The following SCD5 variants were observed in gnomAD, a reference collection of about 807,000 sequenced individuals.
SCD5 encodes the protein acyl-CoA-desaturase 4.
SCD5 carries 20 observed loss-of-function variants against 30.4 expected under a neutral mutation model. That is an observed-to-expected ratio of 0.66 (90% confidence interval 0.46 to 0.96). The LOEUF (loss-of-function observed/expected upper bound fraction) is 0.96, where lower values mean the gene tolerates loss of function less well. Among genes scored for constraint, SCD5 ranks in the 40% least tolerant of loss-of-function variants. SCD5 has a pLI of 0.00. For missense variants in SCD5, 381 were observed against 443.3 expected, an observed-to-expected ratio of 0.86 and a Z score of 1.26; for synonymous variants, 173 against 176.4, an observed-to-expected ratio of 0.98 and a Z score of 0.16.
In SCD5 at chr4:82,789,346, C is replaced by T. The variant is rs77840880; in HGVS notation, c.232+8960G>A. 1.3e-3 allele frequency among the ~76,000 whole-genome samples: 191 copies of T among 152,202 alleles called. 1 individual carries two copies. Among genetic ancestry groups the T allele is most frequent in the Non-Finnish European group, 2.2e-3 (151 of 68,002 alleles). ...AGGAGGGGAAGCAAAGGGGAGGAGG[C>T]CATCAAAAGGAAAAACTGCAAAATC... On this transcript the variant is annotated intron_variant, in intron 1 of 4. Coordinates refer to ENST00000319540, the MANE Select transcript of SCD5 (RefSeq NM_001037582.3).
At chr4:82,710,899 AG>A (rs1326551655) in intron 1 of SCD5, among the ~76,000 whole-genome samples, 6 of 150,320 alleles carry the variant, frequency 4.0e-5, no homozygotes, top group Admixed American at 1.3e-4. Flanking sequence ...CGAGACAGAG[AG>A]AGAGAGAGAG....
intron 1 of SCD5, among the ~76,000 whole-genome samples, chr4:82,714,359 A>G (rs1279791996): frequency 2.6e-5 from 4 of 152,026 alleles, no homozygotes; most frequent in Non-Finnish European, 5.9e-5. Flanking sequence ...CCCAATCAAA[A>G]CTGCTCTTAT....
At chr4:82,668,984 T>C (rs1301881928) in intron 3 of SCD5, among the ~76,000 whole-genome samples, 13 of 152,304 alleles carry the variant, frequency 8.5e-5, no homozygotes, top group Admixed American at 1.3e-4. Flanking sequence ...TAGGGAGGAA[T>C]TGTTCTATTA....
chr4:82,756,887 A>G (rs1721246194), intron 1 of SCD5, among the ~76,000 whole-genome samples: 1 of 152,076 alleles, frequency 6.6e-6, no homozygotes, highest in Non-Finnish European at 1.5e-5. Flanking sequence ...TGTTGTTGAG[A>G]GAGGATCTCC....
chr4:82,733,952 C>T (rs546418263), intron 1 of SCD5, among the ~76,000 whole-genome samples: 141 of 152,312 alleles, frequency 9.3e-4, no homozygotes, highest in Middle Eastern at 3.4e-3. Context: ...ATTTAGTGCC[C>T]TGCTTACACA....
chr4:82,718,914 A>G (rs1300326661), intron 1 of SCD5, among the ~76,000 whole-genome samples: 1 of 151,388 alleles, frequency 6.6e-6, no homozygotes, highest in African/African-American at 2.4e-5. Flanking sequence ...GAGTTGACTT[A>G]TCAAAATACA....
At chr4:82,749,727 C>T (rs2148841865) in intron 1 of SCD5, among the ~76,000 whole-genome samples, 1 of 152,274 alleles carries the variant, frequency 6.6e-6, no homozygotes, top group East Asian at 1.9e-4. Context: ...TCTAAATCAT[C>T]CAACTATTTC....
intron 3 of SCD5, among the ~76,000 whole-genome samples, chr4:82,646,029 G>C (rs570006443): frequency 6.6e-6 from 1 of 152,116 alleles, no homozygotes; most frequent in African/African-American, 2.4e-5. Context: ...AGAGCATGAA[G>C]GGGGGGAAAT....
intron 4 of SCD5, among the ~76,000 whole-genome samples, chr4:82,633,956 T>C (rs1275898064): frequency 6.6e-6 from 1 of 152,214 alleles, no homozygotes; most frequent in African/African-American, 2.4e-5. Context: ...GTTTTCTATC[T>C]GTGTAGATTT....
intron 3 of SCD5, among the ~76,000 whole-genome samples, chr4:82,645,378 C>A (rs773005445): frequency 6.6e-6 from 1 of 151,268 alleles, no homozygotes. Context: ...AACCCAAGAA[C>A]GACCCAAGAA....
Position 82,680,928 on chromosome 4 carries a change from G to C in SCD5, c.364-16C>G. 6.2e-7 allele frequency: 1 copy of C among 1,605,734 alleles called. No homozygotes were observed. The highest frequency in any genetic ancestry group is 2.2e-5 in the East Asian group (1 of 44,826). On this transcript the variant is annotated splice_polypyrimidine_tract_variant and intron_variant, in intron 2 of 4. Coordinates refer to ENST00000319540, the MANE Select transcript of SCD5 (RefSeq NM_001037582.3). ...AGATGTCATTCTGCAGAGAGAATGA[G>C]AGCCTGAGTGAAGAGAGGAACCGCA...
At chr4:82,773,932 T>C (rs1409641906) in intron 1 of SCD5, among the ~76,000 whole-genome samples, 1 of 151,762 alleles carries the variant, frequency 6.6e-6, no homozygotes, top group African/African-American at 2.4e-5. Context: ...TTACTAAAAA[T>C]ACAAAAATTA....
intron 1 of SCD5, among the ~76,000 whole-genome samples, chr4:82,718,991 G>T (rs758640956): frequency 4.0e-5 from 6 of 151,658 alleles, no homozygotes; most frequent in Non-Finnish European, 4.4e-5. Flanking sequence ...TCCAGGGTGC[G>T]GAGTATCAGA....
At chr4:82,682,808 C>G (rs1026594740) in intron 2 of SCD5, among the ~76,000 whole-genome samples, 1 of 152,040 alleles carries the variant, frequency 6.6e-6, no homozygotes, top group African/African-American at 2.4e-5. Flanking sequence ...GCCACCATGC[C>G]CAGCTAATTT....
intron 1 of SCD5, among the ~76,000 whole-genome samples, chr4:82,784,692 G>GT (rs971501719): frequency 8.4e-4 from 127 of 151,430 alleles, no homozygotes; most frequent in African/African-American, 1.8e-3. Flanking sequence ...ATAACAGACT[G>GT]TTTTTTTTTA....
intron 2 of SCD5, among the ~76,000 whole-genome samples, chr4:82,702,771 TAA>T (rs977271257): frequency 3.3e-5 from 5 of 152,128 alleles, no homozygotes; most frequent in Non-Finnish European, 5.9e-5. Context: ...ATGACTGCAT[TAA>T]GTCAGGGTTG....
At chr4:82,764,365 T>A (rs1171249098) in intron 1 of SCD5, among the ~76,000 whole-genome samples, 1 of 152,232 alleles carries the variant, frequency 6.6e-6, no homozygotes, top group Admixed American at 6.5e-5. Flanking sequence ...ATCTATCATT[T>A]TGCTACATAT....
rs78324046 is a variant in SCD5, at chr4:82,663,378, C to T, written c.569+17329G>A. 8.3e-3 allele frequency among the ~76,000 whole-genome samples: 1,264 copies of T among 152,254 alleles called. 4 individuals are homozygous for T. Among genetic ancestry groups the T allele is most frequent in the Non-Finnish European group, 0.012 (790 of 68,016 alleles). On this transcript the variant is annotated intron_variant, in intron 3 of 4. Transcript: ENST00000319540. Reference sequence around the variant, plus strand: ...TTCACACTCAAGCTTTTCTTTAGGGCCCCTAACTGGGTGCTCACAAGGAAG... The same window carrying T: ...TTCACACTCAAGCTTTTCTTTAGGGTCCCTAACTGGGTGCTCACAAGGAAG...
chr4:82,651,464 G>A (rs1383099976), intron 3 of SCD5, among the ~76,000 whole-genome samples: 2 of 152,026 alleles, frequency 1.3e-5, no homozygotes, highest in Non-Finnish European at 2.9e-5. Flanking sequence ...GGACTTGGGG[G>A]AAAGGGTGGG....
Sources: allele counts gnomAD v4.1 joint callset (sites outside exome capture counted in the v4.1 genomes callset), GRCh38; gene constraint gnomAD v4.1.1; transcripts MANE v1.5; gene names NCBI Gene and HGNC (gene_info 2026-07-23, HGNC 2026-07-21).